Variants in ZC3H14 observed in about 807,000 individuals in gnomAD.
ZC3H14 encodes zinc finger CCCH-type containing 14, also known as zinc finger CCCH domain-containing protein 14.
Under a neutral mutation model 92.4 loss-of-function variants are expected in ZC3H14, and 31 were observed. The observed-to-expected ratio is 0.34, with a 90% CI of 0.25 to 0.45. ZC3H14 has a LOEUF of 0.45. ZC3H14 is among the 20% of genes least tolerant of loss of function. The pLI is 1.00. For synonymous variants in ZC3H14, 321 were observed against 300.9 expected, an observed-to-expected ratio of 1.07 and a Z score of -0.69; for missense variants, 781 against 897.3, an observed-to-expected ratio of 0.87 and a Z score of 1.66.
intron 13 of ZC3H14, chr14:88,608,172 C>T: frequency 2.7e-6 from 1 of 372,558 alleles, no homozygotes; most frequent in South Asian, 2.0e-5. Context: ...CTGCAAGTAC[C>T]ATCCCCCATC....
At chr14:88,577,633 A>G (rs2081340374) in intron 8 of ZC3H14, among the ~76,000 whole-genome samples, 1 of 151,932 alleles carries the variant, frequency 6.6e-6, no homozygotes, top group South Asian at 2.1e-4. Context: ...ACAGTGGTGC[A>G]ATCTCGGCTC....
intron 9 of ZC3H14, chr14:88,592,050 G>T (rs12587603): frequency 0.23 from 35,558 of 152,186 alleles, 4,643 homozygotes; most frequent in East Asian, 0.52. Context: ...ATTTACACTG[G>T]AGTCTTAGGA....
chr14:88,563,091 G>A lies in ZC3H14; in HGVS notation c.-43G>A, dbSNP rs746967512. 4.5e-6 allele frequency: 7 copies of A among 1,562,766 alleles called. No individual in the cohort carries two copies. The East Asian group carries it at 1.4e-4, about 32-fold the overall frequency. ...GGAGTCCGCGGCAGCCTCCGGGTAAGCCAAGCGCCGCGCAGTGCTGAGTTC... is the reference window on the plus strand; with the variant it reads ...GGAGTCCGCGGCAGCCTCCGGGTAAACCAAGCGCCGCGCAGTGCTGAGTTC... On this transcript the variant is annotated 5_prime_UTR_variant, in exon 1 of 17. Coordinates refer to ENST00000251038, the MANE Select transcript of ZC3H14 (RefSeq NM_024824.5).
intron 16 of ZC3H14, among the ~76,000 whole-genome samples, chr14:88,611,529 A>T (rs2086764477): frequency 6.6e-6 from 1 of 152,220 alleles, no homozygotes; most frequent in East Asian, 1.9e-4. Context: ...AGGAAGTTTC[A>T]AAATATTTTA....
rs1940639184 is a variant in ZC3H14 at position 88,617,962 on chromosome 14, C to T, written c.*6211C>T. 1 of 262,890 alleles carries T rather than the reference C, an allele frequency of 3.8e-6. No individual in the cohort carries two copies. The highest frequency in any genetic ancestry group is 7.2e-6 in the Non-Finnish European group (1 of 139,048). 16.3% of individuals were successfully genotyped at this position (262,890 alleles called of 1,614,324 possible). A position where few individuals can be genotyped will look rare whatever the true frequency, so the allele number is the denominator to read the frequency against. On this transcript the variant is annotated 3_prime_UTR_variant, in exon 17 of 17. Transcript: ENST00000251038. ...CCTTTTTGCCAGTCATTAAATTTAG[C>T]ATTAAGAAAAATATCAGGGTATCTT... is the stretch of plus-strand genomic sequence containing the variant.
rs767325864 is a variant in ZC3H14, at chr14:88,625,067, A to C, written c.*13316A>C. Reference sequence around the variant, plus strand: ...TGAGCTCTCGCCACGATTCTACACAATATGTGATCTTTCCACACACAGACA... The same window carrying C: ...TGAGCTCTCGCCACGATTCTACACACTATGTGATCTTTCCACACACAGACA... On this transcript the variant is annotated 3_prime_UTR_variant, in exon 17 of 17. Coordinates refer to ENST00000251038, the MANE Select transcript of ZC3H14 (RefSeq NM_024824.5). 15 of 1,613,920 alleles carry C rather than the reference A, an allele frequency of 9.3e-6. No homozygotes were observed. The East Asian group carries it at 3.3e-4, about 36-fold the overall frequency.
In ZC3H14 at chr14:88,602,943, A is replaced by G; in HGVS notation, c.1630A>G (p.Met544Val). Residue 544 changes from methionine to valine, a missense_variant, in exon 12 of 17, where the codon ATG becomes GTG. Transcript: ENST00000251038. ...AGAGGAGGACATGTGCTTTGAAGGA[A>G]TGAAACCCGTAAACCAAACTGCAGC... The part of the protein sequence containing the change: ...DQEEDMCFEG[M>V]KPVNQTAASN... 1 of 1,614,144 alleles carries G rather than the reference A, an allele frequency of 6.2e-7. No individual in the cohort carries two copies.
rs767521439 is a variant in ZC3H14 at position 88,621,221 on chromosome 14, G to A, written c.*9470G>A. On this transcript the variant is annotated 3_prime_UTR_variant, in exon 17 of 17. Coordinates refer to ENST00000251038, the MANE Select transcript of ZC3H14 (RefSeq NM_024824.5). Reference sequence around the variant, plus strand: ...CCCAGATTGGCCCATCCACATGACCGTTAACTAAAATATTACAAGCTGCAT... The same window carrying A: ...CCCAGATTGGCCCATCCACATGACCATTAACTAAAATATTACAAGCTGCAT... 42 of 1,613,922 alleles carry A rather than the reference G, an allele frequency of 2.6e-5. No homozygotes were observed. The East Asian group carries it at 5.8e-4, about 22-fold the overall frequency.
At chr14:88,583,137 A>AT (rs200456257) in intron 9 of ZC3H14, among the ~76,000 whole-genome samples, 1,802 of 52,674 alleles carry the variant, frequency 0.034, 24 homozygotes, top group African/African-American at 0.1. Context: ...CTTTTTTTTT[A>AT]TTTTTTTTTT....
intron 9 of ZC3H14, among the ~76,000 whole-genome samples, chr14:88,582,983 T>G (rs1317735297): frequency 6.6e-6 from 1 of 152,086 alleles, no homozygotes. Flanking sequence ...TCATAATATG[T>G]GTACTTTTTG....
chr14:88,586,509 TCTTCTG>T (rs1182617510), intron 9 of ZC3H14: 1 of 152,236 alleles, frequency 6.6e-6, no homozygotes, highest in Non-Finnish European at 1.5e-5. Flanking sequence ...TATCCCACTG[TCTTCTG>T]CTTTCCATTG....
chr14:88,575,927 T>C lies in ZC3H14; in HGVS notation c.1110T>C (p.Thr370=). The C allele has an allele frequency of 6.2e-7, 1 of 1,609,574 alleles. No homozygotes were observed. ...SEAQESVTKT[T]NYSTVPQKQT... Reference sequence around the variant, plus strand: ...CTCAAGAATCCGTAACAAAAACAACTAACTACTCTACAGGTAATTTAAATG... The same window carrying C: ...CTCAAGAATCCGTAACAAAAACAACCAACTACTCTACAGGTAATTTAAATG... The change falls in exon 8 of 17, where the codon ACT becomes ACC. Residue 370 remains threonine, a synonymous_variant. Transcript: ENST00000251038.
At position 88,622,426 on chromosome 14, in the gene ZC3H14, G is replaced by A. The variant is rs1229768914; in HGVS notation, c.*10675G>A. 2.2e-6 allele frequency: 1 copy of A among 460,940 alleles called. No homozygotes were observed. The highest frequency in any genetic ancestry group is 3.8e-6 in the Non-Finnish European group (1 of 265,524). The allele number at this position is 460,940 out of a possible 1,614,324, so 28.6% of individuals were successfully genotyped here. A position where few individuals can be genotyped will look rare whatever the true frequency, so the allele number is the denominator to read the frequency against. On this transcript the variant is annotated 3_prime_UTR_variant, in exon 17 of 17. Coordinates refer to ENST00000251038, the MANE Select transcript of ZC3H14 (RefSeq NM_024824.5). The stretch of plus-strand genomic sequence containing the variant: ...TAGACAGAATAGCTTCCTAGCTTAT[G>A]CACCACACTGGTGCTAACTTTGGCA...
intron 8 of ZC3H14, among the ~76,000 whole-genome samples, chr14:88,576,788 TTTTA>T (rs571142297): frequency 2.4e-3 from 362 of 152,210 alleles, no homozygotes; most frequent in African/African-American, 7.0e-3. Flanking sequence ...CCATCAGTTT[TTTTA>T]TTTGTTTTCT....
At chr14:88,568,435 A>G (rs995365118) in intron 3 of ZC3H14, among the ~76,000 whole-genome samples, 3 of 152,266 alleles carry the variant, frequency 2.0e-5, no homozygotes, top group Non-Finnish European at 2.9e-5. Context: ...ACAAGTCGAC[A>G]GGAAAGAGAA....
intron 9 of ZC3H14, among the ~76,000 whole-genome samples, chr14:88,583,926 TTTATC>T (rs1210648495): frequency 1.3e-5 from 2 of 152,184 alleles, no homozygotes; most frequent in African/African-American, 4.8e-5. Flanking sequence ...TGATGACAGA[TTTATC>T]TTAATTTCTC....
At chr14:88,576,913 C>G (rs1208383816) in intron 8 of ZC3H14, among the ~76,000 whole-genome samples, 3 of 152,122 alleles carry the variant, frequency 2.0e-5, no homozygotes, top group African/African-American at 7.2e-5. Context: ...GCCTCAGCCT[C>G]CCAAGTAGCT....
intron 9 of ZC3H14, among the ~76,000 whole-genome samples, chr14:88,581,358 A>C (rs950015665): frequency 6.6e-6 from 1 of 152,084 alleles, no homozygotes; most frequent in African/African-American, 2.4e-5. Flanking sequence ...CAGGAGTTCA[A>C]AAGCAGCCTG....
At chr14:88,594,951 C>G (rs772780559) in intron 9 of ZC3H14, 1 of 1,613,724 alleles carries the variant, frequency 6.2e-7, no homozygotes, top group Non-Finnish European at 8.5e-7. Context: ...TTAGAGTGTC[C>G]AAGAATGAAG....
Sources: gnomAD v4.1 joint callset for allele counts (sites outside exome capture counted in the v4.1 genomes callset) on GRCh38, gnomAD v4.1.1 for gene constraint, MANE v1.5 for transcripts, NCBI Gene and HGNC (gene_info 2026-07-23, HGNC 2026-07-21) for gene names.